Variants in PATL2 observed in about 807,000 individuals in gnomAD.
PATL2 encodes the protein PAT1 homolog 2, also known as protein PAT1 homolog 2.
A neutral mutation model predicts 77.0 loss-of-function variants in PATL2; 73 were observed. The observed-to-expected ratio is 0.95, with a 90% CI of 0.78 to 1.15. The LOEUF (loss-of-function observed/expected upper bound fraction) is 1.15, where lower values mean the gene tolerates loss of function less well. Among genes scored for constraint, PATL2 ranks in the 50% most tolerant of loss-of-function variants. The pLI is 0.00. For synonymous variants in PATL2, 265 were observed against 257.1 expected (o/e 1.03, Z -0.29); for missense variants, 618 against 655.4 (o/e 0.94, Z 0.62).
intron 4 of PATL2, 42 bp downstream of exon 4, chr15:44,676,432 TG>T: frequency 6.7e-7 from 1 of 1,494,894 alleles, no homozygotes; most frequent in Non-Finnish European, 9.1e-7. Flanking sequence ...AACCTCTGCA[TG>T]CTGGGGCATT....
At chr15:44,672,178 C>G in intron 8 of PATL2, 22 bp from the exon 9 acceptor site, 1 of 1,551,622 alleles carries the variant, frequency 6.4e-7, no homozygotes, top group Non-Finnish European at 8.7e-7. Flanking sequence ...GAGGAACAAC[C>G]CTTTAGACTT....
At chr15:44,703,323 A>T (rs1281032819) in intron 3 of PATL2, among the ~76,000 whole-genome samples, 1 of 152,086 alleles carries the variant, frequency 6.6e-6, no homozygotes, top group Non-Finnish European at 1.5e-5. Context: ...GTGCAGATTA[A>T]GTCTGATGTT....
chr15:44,678,438 G>GT (rs1286412082), intron 3 of PATL2, among the ~76,000 whole-genome samples: 8 of 152,136 alleles, frequency 5.3e-5, no homozygotes, highest in African/African-American at 1.9e-4. Flanking sequence ...GGGACCTACT[G>GT]TTTTTTATGA....
chr15:44,691,087 G>T (rs555125763), intron 3 of PATL2, among the ~76,000 whole-genome samples: 1 of 151,716 alleles, frequency 6.6e-6, no homozygotes, highest in South Asian at 2.1e-4. Context: ...TAGGCTAAGT[G>T]TATAAAACTA....
Position 44,669,130 on chromosome 15 carries a change from T to C in PATL2, c.1074A>G (p.Ala358=), listed in dbSNP as rs2085531855. The C allele has an allele frequency of 1.9e-6, 3 of 1,541,856 alleles. No individual in the cohort carries two copies. The highest frequency in any genetic ancestry group is 2.6e-6 in the Non-Finnish European group (3 of 1,141,004). Residue 358 remains alanine (A), a synonymous_variant, in exon 14 of 18, where the codon GCA becomes GCG. Transcript: ENST00000682850. Reference sequence around the variant, plus strand: ...CAGAGAGCACCTGCAGGAAGCCATCTGCTGCCTCTCTGCAAGGGAGAGAGG... The same window carrying C: ...CAGAGAGCACCTGCAGGAAGCCATCCGCTGCCTCTCTGCAAGGGAGAGAGG... ...TQEQNNLEEA[A]DGFLQVLSVR...
intron 3 of PATL2, among the ~76,000 whole-genome samples, chr15:44,678,203 C>T (rs955377790): frequency 6.6e-6 from 1 of 152,106 alleles, no homozygotes; most frequent in Non-Finnish European, 1.5e-5. Context: ...CAGGAACTTC[C>T]TAATAACGTA....
chr15:44,698,328 A>G lies in PATL2; in HGVS notation c.-76+11768T>C, dbSNP rs1056405688. Reference sequence around the variant, plus strand: ...TAGTCACCCTGTTGTGCTATCAAATACCAGATCTTATTCATTCTAATTATA... The same window carrying G: ...TAGTCACCCTGTTGTGCTATCAAATGCCAGATCTTATTCATTCTAATTATA... On this transcript the variant is annotated intron_variant, in intron 3 of 17. Transcript: ENST00000682850. Among the ~76,000 whole-genome samples the G allele has an allele frequency of 4.6e-5, 7 of 152,096 alleles. No individual in the cohort carries two copies. In the South Asian group the frequency reaches 1.2e-3, roughly 27 times the overall value.
At chr15:44,669,259 G>A in intron 13 of PATL2, 21 bp downstream of exon 13, 2 of 1,540,524 alleles carry the variant, frequency 1.3e-6, no homozygotes, top group African/African-American at 1.4e-5. Flanking sequence ...CTGGGCTGAG[G>A]TGGAACCCTC....
At chr15:44,693,724 G>A (rs2086445031) in intron 3 of PATL2, among the ~76,000 whole-genome samples, 1 of 149,554 alleles carries the variant, frequency 6.7e-6, no homozygotes. Context: ...ACAGAGTCTC[G>A]CTCTGTCTCC....
intron 16 of PATL2, chr15:44,666,793 C>T: frequency 1.9e-6 from 1 of 519,630 alleles, no homozygotes; most frequent in Non-Finnish European, 3.4e-6. Flanking sequence ...AAGAAACAAA[C>T]TAAGAGAAGT....
chr15:44,667,299 C>T, intron 15 of PATL2, 96 bp from the exon 16 acceptor site: 1 of 900,924 alleles, frequency 1.1e-6, no homozygotes, highest in Non-Finnish European at 1.7e-6. Context: ...AGGACAGGTT[C>T]ACATTTAGAG....
chr15:44,684,290 A>T (rs551259932), intron 3 of PATL2, among the ~76,000 whole-genome samples: 1 of 152,036 alleles, frequency 6.6e-6, no homozygotes, highest in Non-Finnish European at 1.5e-5. Flanking sequence ...GGTAATAACA[A>T]ACTGCTCCAA....
chr15:44,692,588 C>G (rs906122857), intron 3 of PATL2, among the ~76,000 whole-genome samples: 1 of 152,246 alleles, frequency 6.6e-6, no homozygotes, highest in African/African-American at 2.4e-5. Context: ...GAACTTTCCC[C>G]AGTGCCGAGG....
chr15:44,692,170 A>T (rs1014527215), intron 3 of PATL2, among the ~76,000 whole-genome samples: 1 of 152,182 alleles, frequency 6.6e-6, no homozygotes, highest in Non-Finnish European at 1.5e-5. Context: ...CTTTGTAAAC[A>T]TATATATTCA....
intron 3 of PATL2, among the ~76,000 whole-genome samples, chr15:44,699,461 C>T (rs888702211): frequency 5.3e-5 from 8 of 152,172 alleles, no homozygotes; most frequent in Non-Finnish European, 1.0e-4. Context: ...GCCGCAGTCT[C>T]TTGAGTAGCT....
intron 10 of PATL2, 21 bp from the exon 11 acceptor site, chr15:44,669,895 A>G (rs2085583436): frequency 6.4e-7 from 1 of 1,551,140 alleles, no homozygotes; most frequent in Non-Finnish European, 8.7e-7. Flanking sequence ...AGAGAGGCAC[A>G]TTTCCTTCCC....
chr15:44,675,180 A>C, intron 5 of PATL2: 1 of 326,492 alleles, frequency 3.1e-6, no homozygotes, highest in Non-Finnish European at 5.6e-6. Flanking sequence ...CTACTGAGAC[A>C]GAGGGGCCCA....
chr15:44,677,884 G>A (rs1223000941), intron 3 of PATL2, among the ~76,000 whole-genome samples: 1 of 152,160 alleles, frequency 6.6e-6, no homozygotes, highest in Admixed American at 6.5e-5. Flanking sequence ...CTGTCACCCA[G>A]GCTTGAGTGC....
chr15:44,698,328 A>C (rs1056405688), intron 3 of PATL2, among the ~76,000 whole-genome samples: 2 of 152,096 alleles, frequency 1.3e-5, no homozygotes, highest in Non-Finnish European at 2.9e-5. Flanking sequence ...GCTATCAAAT[A>C]CCAGATCTTA....
Sources: gnomAD v4.1 joint callset for allele counts (sites outside exome capture counted in the v4.1 genomes callset) on GRCh38, gnomAD v4.1.1 for gene constraint, MANE v1.5 for transcripts, NCBI Gene and HGNC (gene_info 2026-07-23, HGNC 2026-07-21) for gene names.